The following EP400 variants were observed in gnomAD, a reference collection of about 807,000 sequenced individuals.
The protein encoded by EP400 is E1A-binding protein p400.
EP400 carries 105 observed loss-of-function variants against 354.1 expected under a neutral mutation model. The ratio of observed to expected loss-of-function variants is 0.30; its 90% CI spans 0.25 to 0.35. EP400 has a LOEUF of 0.35. EP400 is among the 10% of genes least tolerant of loss of function. The pLI, the probability that EP400 is intolerant of heterozygous loss-of-function variation, is 1.00. For missense variants in EP400, 3,280 were observed against 4,121.0 expected, an observed-to-expected ratio of 0.80 and a Z score of 5.59; for synonymous variants, 1,646 against 1,716.9, an observed-to-expected ratio of 0.96 and a Z score of 1.02.
intron 1 of EP400, among the ~76,000 whole-genome samples, chr12:131,957,168 G>A (rs1319146261): frequency 6.6e-6 from 1 of 151,986 alleles, no homozygotes; most frequent in East Asian, 1.9e-4. Flanking sequence ...ACTATGCCCA[G>A]CCTCTTTTTG....
At chr12:132,048,797 A>G (rs1007029403) in intron 39 of EP400, among the ~76,000 whole-genome samples, 3 of 152,076 alleles carry the variant, frequency 2.0e-5, no homozygotes, top group Admixed American at 2.0e-4. Flanking sequence ...TAATCTACCC[A>G]CCTCGGCCTC....
At chr12:132,016,146 G>T (rs989214849) in intron 19 of EP400, among the ~76,000 whole-genome samples, 2 of 152,142 alleles carry the variant, frequency 1.3e-5, no homozygotes, top group African/African-American at 4.8e-5. Context: ...ATTTGCCCTG[G>T]CCCTTGTGCA....
At chr12:131,962,808 G>T (rs1406568077) in intron 2 of EP400, among the ~76,000 whole-genome samples, 1 of 152,192 alleles carries the variant, frequency 6.6e-6, no homozygotes, top group Non-Finnish European at 1.5e-5. Context: ...TACTATGTTG[G>T]TGGAGCTTAT....
chr12:132,045,971 C>A, intron 39 of EP400, 71 bp downstream of exon 39: 1 of 1,552,554 alleles, frequency 6.4e-7, no homozygotes, highest in Non-Finnish European at 8.8e-7. Flanking sequence ...GCAGTTTCAG[C>A]TCCAGTCCTG....
chr12:131,962,751 T>C (rs186364869), intron 2 of EP400, among the ~76,000 whole-genome samples: 9 of 152,298 alleles, frequency 5.9e-5, no homozygotes, highest in African/African-American at 1.9e-4. Flanking sequence ...TGAGAGTGAA[T>C]TGGACTGTGA....
Position 131,982,271 on chromosome 12 carries a change from G to T in EP400, c.1722G>T (p.Ala574=), listed in dbSNP as rs200410897. 1 of 1,614,142 alleles carries T rather than the reference G, an allele frequency of 6.2e-7. No homozygotes were observed. The highest frequency in any genetic ancestry group is 8.5e-7 in the Non-Finnish European group (1 of 1,180,026). The change falls in exon 5 of 53, where the codon GCG becomes GCT. Residue 574 remains alanine (A), a synonymous_variant. Transcript: ENST00000389561. ...AGVPTAALSS[A]LQFAQQPQVV... is the part of the protein sequence containing the mutation. ...TTCCCACTGCAGCCCTCTCCTCTGC[G>T]CTGCAGTTTGCACAGCAGCCGCAAG...
chr12:132,031,847 G>T, intron 29 of EP400, 106 bp from the exon 30 acceptor site: 2 of 1,237,268 alleles, frequency 1.6e-6, no homozygotes, highest in Non-Finnish European at 2.3e-6. Context: ...GAGCCGCCAC[G>T]CCCGGCCTGC....
intron 2 of EP400, among the ~76,000 whole-genome samples, chr12:131,968,801 A>T (rs1892188949): frequency 6.6e-6 from 1 of 152,160 alleles, no homozygotes; most frequent in South Asian, 2.1e-4. Flanking sequence ...TTTATACCTC[A>T]GTATTCCAAT....
chr12:131,989,367 C>T (rs1566175371), intron 7 of EP400, among the ~76,000 whole-genome samples: 1 of 152,208 alleles, frequency 6.6e-6, no homozygotes, highest in East Asian at 1.9e-4. Flanking sequence ...CGAGTGGGAA[C>T]ACGGCGTGTG....
In EP400 at chr12:132,062,187, G is replaced by A. The variant is rs752331035; in HGVS notation, c.7962G>A (p.Ala2654=). 128 of 1,613,960 alleles carry A rather than the reference G, an allele frequency of 7.9e-5. No individual in the cohort carries two copies. Among genetic ancestry groups the A allele is most frequent in the Non-Finnish European group, 1.1e-4 (125 of 1,179,990 alleles). ...PPRAVGSPAT[A]TPDLVSMATT... is the part of the protein sequence containing the mutation. ...GGGCAGTCGGCTCCCCAGCCACGGC[G>A]ACCCCTGACCTGGTGTCCATGGCAA... Residue 2654 remains alanine, a synonymous_variant, in exon 46 of 53, where the codon GCG becomes GCA. Coordinates refer to ENST00000389561, the MANE Select transcript of EP400 (RefSeq NM_015409.5).
Position 132,005,145 on chromosome 12 carries a change from C to T in EP400, c.2896C>T (p.Arg966Trp), listed in dbSNP as rs771775596. 138 of 1,585,076 alleles carry T rather than the reference C, an allele frequency of 8.7e-5. No homozygotes were observed. Among genetic ancestry groups the T allele is most frequent in the Non-Finnish European group, 1.1e-4 (125 of 1,165,750 alleles). Residue 966 changes from arginine (R) to tryptophan (W), a missense_variant, in exon 13 of 53, where the codon CGG becomes TGG. Arg to Trp is a moderately radical substitution (Grantham distance 101). Around this residue, in one of 20 missense-constraint regions of EP400, gnomAD observed 800 missense variants for 840.0 expected, o/e 0.95. Transcript: ENST00000389561. The stretch of plus-strand genomic sequence containing the variant: ...CTTCCTGCCGAGTTCTCAGTGGCCC[C>T]GGCCGAAGCCTGATGGGGAGGACAC... ...GAFLPSSQWP[R>W]PKPDGEDTSG...
At chr12:131,957,915 A>G (rs528394133) in intron 1 of EP400, among the ~76,000 whole-genome samples, 1 of 152,256 alleles carries the variant, frequency 6.6e-6, no homozygotes, top group East Asian at 1.9e-4. Flanking sequence ...ATTTTGATGT[A>G]TGGTTTGTGA....
At chr12:131,971,306 G>T (rs894609008) in intron 2 of EP400, among the ~76,000 whole-genome samples, 3 of 152,082 alleles carry the variant, frequency 2.0e-5, no homozygotes, top group African/African-American at 7.2e-5. Context: ...TCATGTTGTT[G>T]TAAATGGCAG....
intron 6 of EP400, 45 bp from the exon 7 acceptor site, chr12:131,987,660 A>T (rs769919915): frequency 6.7e-7 from 1 of 1,503,024 alleles, no homozygotes; most frequent in Non-Finnish European, 8.9e-7. Flanking sequence ...GGTGGAACAC[A>T]CTCATCACAT....
At chr12:132,069,296 G>A (rs563043042) in intron 50 of EP400, 199 bp from the exon 51 acceptor site, 52 of 677,060 alleles carry the variant, frequency 7.7e-5, no homozygotes, top group Admixed American at 4.5e-4. Flanking sequence ...TGGCGGCCAT[G>A]CCGCATGGGC....
At position 132,045,571 on chromosome 12, in the gene EP400, G is replaced by C. The variant is rs373780820; in HGVS notation, c.7026+11G>C. On this transcript the variant is annotated intron_variant, in intron 38 of 52. Transcript: ENST00000389561. ...TGGGCGCTGCTGCAGGTAGGTGGGCGTGGTCTTTGTGCCAGCGGTCATGTG... is the reference window on the plus strand; with the variant it reads ...TGGGCGCTGCTGCAGGTAGGTGGGCCTGGTCTTTGTGCCAGCGGTCATGTG... 1 of 1,613,192 alleles carries C rather than the reference G, an allele frequency of 6.2e-7. No homozygotes were observed. Among genetic ancestry groups the C allele is most frequent in the Admixed American group, 1.7e-5 (1 of 60,000 alleles).
At position 131,950,027 on chromosome 12, in the gene EP400, G is replaced by C. The variant is rs977403299; in HGVS notation, c.-45G>C. 3 of 151,860 alleles carry C rather than the reference G, an allele frequency of 2.0e-5. No homozygotes were observed. Among genetic ancestry groups the C allele is most frequent in the African/African-American group, 7.2e-5 (3 of 41,424 alleles). The allele number at this position is 151,860 out of a possible 1,614,324, so 9.4% of individuals were successfully genotyped here. A position where few individuals can be genotyped will look rare whatever the true frequency, so the allele number is the denominator to read the frequency against. ...CCTGACGCGGCCGGAGCGCAGCCCT[G>C]AGGCCCAGGGTAAGTGAGGGCGGAG... On this transcript the variant is annotated 5_prime_UTR_variant, in exon 1 of 53. Coordinates refer to ENST00000389561, the MANE Select transcript of EP400 (RefSeq NM_015409.5).
At chr12:132,047,142 T>C (rs1895127420) in intron 39 of EP400, among the ~76,000 whole-genome samples, 1 of 152,268 alleles carries the variant, frequency 6.6e-6, no homozygotes, top group African/African-American at 2.4e-5. Flanking sequence ...ATCTGTCTTT[T>C]CATTTTTCTA....
intron 29 of EP400, 85 bp downstream of exon 29, chr12:132,030,243 A>T: frequency 6.8e-7 from 1 of 1,471,964 alleles, no homozygotes; most frequent in Non-Finnish European, 9.3e-7. Context: ...CAGTGGTCTC[A>T]TGGCCCTTCT....
Sources: allele counts gnomAD v4.1 joint callset (sites outside exome capture counted in the v4.1 genomes callset), GRCh38; gene constraint gnomAD v4.1.1; regional missense constraint gnomAD v4.1.1; transcripts MANE v1.5; gene names NCBI Gene and HGNC (gene_info 2026-07-23, HGNC 2026-07-21).